BLTP3B: variants seen among roughly 807,000 people sequenced by gnomAD.
The protein encoded by BLTP3B is UHRF1 (ICBP90) binding protein 1-like.
the BLTP3B span, among the ~76,000 whole-genome samples, chr12:100,104,738 G>C: frequency 9.2e-5 from 14 of 151,542 alleles, no homozygotes; most frequent in Non-Finnish European, 1.6e-4. Context: ...GCCTCCAAAA[G>C]GCTCTTAGAT....
chr12:100,076,274 G>T, the BLTP3B span, among the ~76,000 whole-genome samples: 1 of 151,384 alleles, frequency 6.6e-6, no homozygotes, highest in Non-Finnish European at 1.5e-5. Context: ...AGTATACCCA[G>T]AGATGTTTTT....
the BLTP3B span, among the ~76,000 whole-genome samples, chr12:100,141,292 T>C: frequency 6.6e-6 from 1 of 152,090 alleles, no homozygotes; most frequent in African/African-American, 2.4e-5. Flanking sequence ...AAGACCAGCC[T>C]GGCCTGGTGA....
At chr12:100,091,697 G>T in the BLTP3B span, among the ~76,000 whole-genome samples, 1 of 151,034 alleles carries the variant, frequency 6.6e-6, no homozygotes, top group African/African-American at 2.4e-5. Flanking sequence ...TAGAGACAGG[G>T]TTTCACCGTG....
At chr12:100,103,966 T>C in the BLTP3B span, 7 of 1,594,192 alleles carry the variant, frequency 4.4e-6, no homozygotes, top group Non-Finnish European at 6.0e-6. Context: ...AAATGAAAAA[T>C]TTTTAATTTA....
the BLTP3B span, among the ~76,000 whole-genome samples, chr12:100,112,499 T>G: frequency 6.6e-6 from 1 of 151,324 alleles, no homozygotes; most frequent in African/African-American, 2.4e-5. Flanking sequence ...AGAGCCTTTG[T>G]CTCAAAGACA....
At chr12:100,130,974 A>AGG in the BLTP3B span, among the ~76,000 whole-genome samples, 17 of 100,568 alleles carry the variant, frequency 1.7e-4, no homozygotes, top group East Asian at 1.9e-3. Context: ...AGAGAGAGAG[A>AGG]GAGGGAGGGA....
chr12:100,080,741 T>C, the BLTP3B span, among the ~76,000 whole-genome samples: 3 of 148,884 alleles, frequency 2.0e-5, no homozygotes, highest in African/African-American at 7.4e-5. Flanking sequence ...GAGTTAATGG[T>C]GAAATGAGTT....
chr12:100,084,378 T>TCACA, the BLTP3B span: 1,686 of 664,480 alleles, frequency 2.5e-3, 7 homozygotes, highest in African/African-American at 9.0e-3. Flanking sequence ...AATACTATGA[T>TCACA]CACACACACA....
the BLTP3B span, among the ~76,000 whole-genome samples, chr12:100,076,159 T>C: frequency 6.6e-6 from 1 of 152,068 alleles, no homozygotes; most frequent in African/African-American, 2.4e-5. Flanking sequence ...TGGTTACATT[T>C]TTTTCACCCC....
chr12:100,069,451 T>C, the BLTP3B span, among the ~76,000 whole-genome samples: 1,516 of 152,120 alleles, frequency 1.0e-2, 25 homozygotes, highest in African/African-American at 0.035. Context: ...TACATACATA[T>C]ATGTGCGTGT....
At chr12:100,132,819 A>C in the BLTP3B span, among the ~76,000 whole-genome samples, 2 of 152,108 alleles carry the variant, frequency 1.3e-5, no homozygotes, top group African/African-American at 4.8e-5. Flanking sequence ...GTGGTGGCAC[A>C]TGACTGTAAT....
At chr12:100,066,872 A>G in the BLTP3B span, among the ~76,000 whole-genome samples, 12 of 152,172 alleles carry the variant, frequency 7.9e-5, no homozygotes, top group African/African-American at 2.4e-4. Context: ...CCATTCAACA[A>G]CTGCAGAATA....
chr12:100,105,410 T>C, the BLTP3B span, among the ~76,000 whole-genome samples: 2 of 152,066 alleles, frequency 1.3e-5, no homozygotes, highest in African/African-American at 4.8e-5. Flanking sequence ...AACTGATCTT[T>C]GACAAAGCAT....
At chr12:100,077,457 T>A in the BLTP3B span, among the ~76,000 whole-genome samples, 1 of 152,240 alleles carries the variant, frequency 6.6e-6, no homozygotes, top group South Asian at 2.1e-4. Context: ...TTTCTAAACA[T>A]TGGCACTTCT....
At chr12:100,116,291 CA>C in the BLTP3B span, among the ~76,000 whole-genome samples, 1 of 150,794 alleles carries the variant, frequency 6.6e-6, no homozygotes, top group East Asian at 1.9e-4. Context: ...CTCATCTGTA[CA>C]AAAAATTAAA....
the BLTP3B span, among the ~76,000 whole-genome samples, chr12:100,112,858 CAAAA>C: frequency 5.0e-5 from 3 of 60,590 alleles, no homozygotes; most frequent in African/African-American, 5.9e-5. Context: ...GACTCCATCT[CAAAA>C]AAAAAAAAAA....
chr12:100,089,772 G>C, the BLTP3B span, among the ~76,000 whole-genome samples: 2 of 152,104 alleles, frequency 1.3e-5, no homozygotes, highest in Non-Finnish European at 2.9e-5. Flanking sequence ...TGTATACACT[G>C]TTATATATCT....
the BLTP3B span, among the ~76,000 whole-genome samples, chr12:100,079,877 A>G: frequency 6.6e-6 from 1 of 152,220 alleles, no homozygotes; most frequent in Non-Finnish European, 1.5e-5. Flanking sequence ...TGCTCCAGCC[A>G]TGGATGAAAG....
chr12:100,037,120 T>A, the BLTP3B span: 2 of 894,768 alleles, frequency 2.2e-6, no homozygotes, highest in Non-Finnish European at 2.7e-6. Context: ...TTGGACTTTT[T>A]ACAATAATTA....
Sources: allele counts gnomAD v4.1 joint callset (sites outside exome capture counted in the v4.1 genomes callset), GRCh38; gene constraint gnomAD v4.1.1; transcripts MANE v1.5; gene names NCBI Gene and HGNC (gene_info 2026-07-23, HGNC 2026-07-21).